The following CFAP47 variants were observed in gnomAD, a reference collection of about 807,000 sequenced individuals.
CFAP47 encodes the protein cilia and flagella associated protein 47, also known as cilia- and flagella-associated protein 47.
Under a neutral mutation model 148.1 loss-of-function variants are expected in CFAP47, and 29 were observed. That is an observed-to-expected ratio of 0.20 (90% CI 0.15 to 0.27). The LOEUF (loss-of-function observed/expected upper bound fraction) is 0.27. CFAP47 is among the 10% of genes least tolerant of loss of function. The probability of loss-of-function intolerance (pLI) is 1.00; values close to 1 mark genes in which losing one functional copy is unlikely to be tolerated. For synonymous variants in CFAP47, 664 were observed against 577.3 expected, an observed-to-expected ratio of 1.15 and a Z score of -2.15; for missense variants, 1,872 against 1,697.5, an observed-to-expected ratio of 1.10 and a Z score of -1.81.
At chrX:36,138,163 C>G in intron 34 of CFAP47, 108 bp downstream of exon 34, 1 of 526,738 alleles carries the variant, frequency 1.9e-6, no homozygotes, top group Non-Finnish European at 2.9e-6. Context: ...GTCTTACATT[C>G]AAGTCAAACA....
At chrX:36,328,215 C>T (rs1412028646) in intron 57 of CFAP47, among the ~76,000 whole-genome samples, 1 of 111,712 alleles carries the variant, frequency 9.0e-6, no homozygotes, top group Non-Finnish European at 1.9e-5. Flanking sequence ...ATTTAAAATA[C>T]AACAAAAACC....
At chrX:35,921,548 G>A (rs1374070816) in intron 1 of CFAP47, among the ~76,000 whole-genome samples, 1 of 111,555 alleles carries the variant, frequency 9.0e-6, no homozygotes, top group Non-Finnish European at 1.9e-5. Flanking sequence ...TTGTATGGAT[G>A]GTTTCTGTGC....
intron 62 of CFAP47, chrX:36,375,192 T>C (rs782472943): frequency 4.5e-5 from 12 of 267,308 alleles, no homozygotes; most frequent in African/African-American, 3.1e-4. Context: ...ATTGTGGCAA[T>C]GCGGAAAGAT....
Position 36,014,819 on chromosome X carries a change from G to A in CFAP47, c.3463G>A (p.Glu1155Lys), listed in dbSNP as rs1937079104. The change falls in exon 22 of 64, where the codon GAG (glutamate) becomes AAG (lysine). Residue 1155 changes from glutamate to lysine, a missense_variant. Coordinates refer to ENST00000378653, the MANE Select transcript of CFAP47 (RefSeq NM_001304548.2). Reference protein sequence around the residue: ...FIIQVQINFFESSKLYTKYLS... With the variant: ...FIIQVQINFFKSSKLYTKYLS... ...CATTCAAGTTCAGATTAATTTCTTT[G>A]AGTCTTCAAAGCTCTACACTAAATA... 5 of 292,530 alleles carry A rather than the reference G, an allele frequency of 1.7e-5. No homozygotes were observed. Among genetic ancestry groups the A allele is most frequent in the Non-Finnish European group, 2.4e-5 (4 of 168,241 alleles). 24.1% of individuals were successfully genotyped at this position (292,530 alleles called of 1,213,427 possible). A position where few individuals can be genotyped will look rare whatever the true frequency, so the allele number is the denominator to read the frequency against.
At chrX:36,237,946 T>A (rs1555995083) in intron 48 of CFAP47, among the ~76,000 whole-genome samples, 1 of 111,742 alleles carries the variant, frequency 8.9e-6, no homozygotes, top group Non-Finnish European at 1.9e-5. Flanking sequence ...TAAATGAAAC[T>A]CTTATCTTCT....
At chrX:35,989,095 TA>T (rs1666463999) in intron 15 of CFAP47, among the ~76,000 whole-genome samples, 1 of 112,272 alleles carries the variant, frequency 8.9e-6, no homozygotes, top group Non-Finnish European at 1.9e-5. Flanking sequence ...ATTTGCCTAT[TA>T]AAATTGAAAA....
At chrX:36,312,320 T>C (rs1457452158) in intron 56 of CFAP47, among the ~76,000 whole-genome samples, 1 of 111,102 alleles carries the variant, frequency 9.0e-6, no homozygotes, top group Non-Finnish European at 1.9e-5. Context: ...TTTTATCTGC[T>C]GAGGAAGAGA....
At chrX:36,269,435 G>A (rs1940932490) in intron 49 of CFAP47, among the ~76,000 whole-genome samples, 1 of 111,867 alleles carries the variant, frequency 8.9e-6, no homozygotes, top group Non-Finnish European at 1.9e-5. Flanking sequence ...GTATAAATAT[G>A]GTGGCTTCAG....
intron 30 of CFAP47, among the ~76,000 whole-genome samples, chrX:36,086,289 T>C (rs1938086498): frequency 8.9e-6 from 1 of 112,195 alleles, no homozygotes; most frequent in Admixed American, 9.5e-5. Flanking sequence ...GCAACATCCA[T>C]GTACACTGAA....
rs1936758808 is a variant in CFAP47, at chrX:35,989,395, A to G, written c.2790A>G (p.Glu930=). 2 of 1,209,169 alleles carry G rather than the reference A, an allele frequency of 1.7e-6. No individual in the cohort carries two copies. Among genetic ancestry groups the G allele is most frequent in the Non-Finnish European group, 2.2e-6 (2 of 894,085 alleles). The change falls in exon 16 of 64, where the codon GAA becomes GAG. Residue 930 remains glutamate (E), a synonymous_variant. Coordinates refer to ENST00000378653, the MANE Select transcript of CFAP47 (RefSeq NM_001304548.2). ...QQGFSSPEEG[E]FILHVFQGNA... ...GCTTCAGTTCTCCAGAAGAAGGAGA[A>G]TTTATTCTTCATGTCTTTCAAGGAA...
At chrX:36,122,309 A>G (rs1280733862) in intron 33 of CFAP47, among the ~76,000 whole-genome samples, 5 of 111,128 alleles carry the variant, frequency 4.5e-5, no homozygotes, top group Admixed American at 1.9e-4. Context: ...TTGCTGTTCT[A>G]TAGCCTTCTT....
intron 42 of CFAP47, among the ~76,000 whole-genome samples, chrX:36,191,372 C>T (rs1040472366): frequency 9.0e-6 from 1 of 111,474 alleles, no homozygotes; most frequent in Non-Finnish European, 1.9e-5. Context: ...TTAGCTTACA[C>T]AAATTTAATA....
intron 62 of CFAP47, among the ~76,000 whole-genome samples, chrX:36,371,798 A>G (rs187244239): frequency 0.022 from 1,199 of 55,320 alleles, 53 homozygotes; most frequent in Non-Finnish European, 0.027. Context: ...GTGTGTATAT[A>G]CACACATGTA....
At chrX:35,921,924 C>T in intron 1 of CFAP47, among the ~76,000 whole-genome samples, 1 of 111,433 alleles carries the variant, frequency 9.0e-6, no homozygotes, top group Non-Finnish European at 1.9e-5. Flanking sequence ...CTGCATTGAC[C>T]CTATGTATTG....
rs1308890671 is a variant in CFAP47, at chrX:35,941,355, A to T, written c.474A>T (p.Val158=). 4 of 1,157,624 alleles carry T rather than the reference A, an allele frequency of 3.5e-6. No homozygotes were observed. The African/African-American group carries it at 7.3e-5, about 21-fold the overall frequency. ...GCACACTGGTTGCCAATAGTAAAGT[A>T]TATTCTAAAGAGATTACTATCACTA... ...NFGTLVANSK[V]YSKEITITNH... Residue 158 remains valine (V), a synonymous_variant, in exon 3 of 64, where the codon GTA becomes GTT. Transcript: ENST00000378653.
chrX:36,031,154 C>T (rs1287597039), intron 22 of CFAP47, 99 bp from the exon 23 acceptor site: 3 of 261,723 alleles, frequency 1.1e-5, no homozygotes, highest in Non-Finnish European at 1.4e-5. Flanking sequence ...AGAAACAAAT[C>T]TTATTTTCTT....
At chrX:36,365,223 TTTAAGA>T (rs1230228101) in intron 61 of CFAP47, among the ~76,000 whole-genome samples, 2 of 110,136 alleles carry the variant, frequency 1.8e-5, no homozygotes, top group African/African-American at 6.6e-5. Flanking sequence ...ATGTGTTAAG[TTTAAGA>T]TTATGTATTA....
In CFAP47 at chrX:36,110,354, A is replaced by G. The variant is rs1938535865; in HGVS notation, c.5320+5663A>G. Among the ~76,000 whole-genome samples the G allele has an allele frequency of 3.6e-5, 4 of 111,487 alleles. No homozygotes were observed. The South Asian group carries it at 1.5e-3, about 42-fold the overall frequency. ...ATGGTTAGCCAGTTATTCTGTCAGT[A>G]TTTATTGAATGGGGAGTCCTTTCCC... is the stretch of plus-strand genomic sequence containing the variant. On this transcript the variant is annotated intron_variant, in intron 33 of 63. Transcript: ENST00000378653.
intron 29 of CFAP47, among the ~76,000 whole-genome samples, chrX:36,081,711 C>A (rs1937985862): frequency 9.0e-6 from 1 of 111,423 alleles, no homozygotes; most frequent in African/African-American, 3.3e-5. Flanking sequence ...GTCAATGATT[C>A]ACCGCATGTA....
Sources: gnomAD v4.1 joint callset for allele counts (sites outside exome capture counted in the v4.1 genomes callset) on GRCh38, gnomAD v4.1.1 for gene constraint, MANE v1.5 for transcripts, NCBI Gene and HGNC (gene_info 2026-07-23, HGNC 2026-07-21) for gene names.